The following MOB3C variants were observed in gnomAD, a reference collection of about 807,000 sequenced individuals.
MOB3C encodes MOB kinase activator 3C.
MOB3C carries 17 observed loss-of-function variants against 19.8 expected under a neutral mutation model. The ratio of observed to expected loss-of-function variants is 0.86; its 90% CI spans 0.59 to 1.29. MOB3C has a LOEUF of 1.29. MOB3C is among the 50% of genes most tolerant of loss of function. The probability of loss-of-function intolerance (pLI) is 0.00; values close to 1 mark genes in which losing one functional copy is unlikely to be tolerated. For synonymous variants in MOB3C, 101 were observed against 119.2 expected (o/e 0.85, Z 0.99); for missense variants, 291 against 301.9 (o/e 0.96, Z 0.27).
At chr1:46,612,528 G>T (rs530158329) in intron 2 of MOB3C, among the ~76,000 whole-genome samples, 15 of 152,168 alleles carry the variant, frequency 9.9e-5, no homozygotes, top group Non-Finnish European at 2.1e-4. Context: ...GCCAGGCGTG[G>T]TGGTGGGTGC....
intron 2 of MOB3C, among the ~76,000 whole-genome samples, chr1:46,612,616 A>G (rs889221150): frequency 2.7e-5 from 4 of 148,780 alleles, no homozygotes; most frequent in African/African-American, 4.9e-5. Flanking sequence ...GTAAGCTGAG[A>G]TCTCACCACT....
At chr1:46,615,144 G>A (rs1570382608) in intron 1 of MOB3C, 7 of 1,272,142 alleles carry the variant, frequency 5.5e-6, no homozygotes, top group East Asian at 2.3e-5. Context: ...GCAATTAGGC[G>A]GGGCTCCTGG....
At chr1:46,610,496 G>A (rs973655010) in intron 2 of MOB3C, among the ~76,000 whole-genome samples, 1 of 152,136 alleles carries the variant, frequency 6.6e-6, no homozygotes, top group African/African-American at 2.4e-5. Context: ...GTATTCTCCT[G>A]CCTCAGCCTC....
chr1:46,608,145 G>C lies in MOB3C; in HGVS notation c.*1510C>G, dbSNP rs939595242. ...AACAGTTGTGTCCTAGAGAGGGTCT[G>C]TTAAACCCTCTTTCCATGTGTATCT... On this transcript the variant is annotated 3_prime_UTR_variant, in exon 4 of 4. Coordinates refer to ENST00000319928, the MANE Select transcript of MOB3C (RefSeq NM_201403.3). The surrounding 1 kb of genome is among the most constrained non-coding windows in gnomAD (Gnocchi z 4.5). 6.6e-6 allele frequency: 1 copy of C among 152,258 alleles called. No individual in the cohort carries two copies. The highest frequency in any genetic ancestry group is 2.4e-5 in the African/African-American group (1 of 41,456). 9.4% of individuals were successfully genotyped at this position (152,258 alleles called of 1,614,324 possible). A position where few individuals can be genotyped will look rare whatever the true frequency, so the allele number is the denominator to read the frequency against.
chr1:46,611,921 A>C lies in MOB3C; in HGVS notation c.418+983T>G, dbSNP rs1374180154. Among the ~76,000 whole-genome samples the C allele has an allele frequency of 7.1e-6, 1 of 140,740 alleles. No homozygotes were observed. The highest frequency in any genetic ancestry group is 2.7e-5 in the African/African-American group (1 of 37,682). The allele number at this position is 140,740 out of a possible 152,430, so 92.3% of individuals were successfully genotyped here. ...TTCAGACTTCTCCCCTCAGGGCTTG[A>C]CCACCCTGCCCCACCCACCGCTGAT... is the stretch of plus-strand genomic sequence containing the variant. On this transcript the variant is annotated intron_variant, in intron 2 of 3. Coordinates refer to ENST00000319928, the MANE Select transcript of MOB3C (RefSeq NM_201403.3). The surrounding 1 kb of genome is among the most constrained non-coding windows in gnomAD (Gnocchi z 4.1).
Position 46,609,469 on chromosome 1 carries a change from C to T in MOB3C, c.*186G>A, listed in dbSNP as rs11803069. 1.4e-6 allele frequency: 1 copy of T among 711,634 alleles called. No individual in the cohort carries two copies. Among genetic ancestry groups the T allele is most frequent in the Non-Finnish European group, 2.5e-6 (1 of 405,822 alleles). The allele number at this position is 711,634 out of a possible 1,614,324, so 44.1% of individuals were successfully genotyped here. A position where few individuals can be genotyped will look rare whatever the true frequency, so the allele number is the denominator to read the frequency against. Reference sequence around the variant, plus strand: ...TGTTTGCCTGCCTAGATGCTCTCCCCTTCTCCATCCACAAGCGGTCAGGGC... The same window carrying T: ...TGTTTGCCTGCCTAGATGCTCTCCCTTTCTCCATCCACAAGCGGTCAGGGC... On this transcript the variant is annotated 3_prime_UTR_variant, in exon 4 of 4. Transcript: ENST00000319928.
At chr1:46,612,210 C>A (rs903725855) in intron 2 of MOB3C, among the ~76,000 whole-genome samples, 1 of 152,156 alleles carries the variant, frequency 6.6e-6, no homozygotes, top group African/African-American at 2.4e-5. Flanking sequence ...CCTCAGAGCC[C>A]CAATCTGAGG....
At position 46,613,002 on chromosome 1, in the gene MOB3C, C is replaced by A. The variant is rs755169615; in HGVS notation, c.320G>T (p.Arg107Leu). The change falls in exon 2 of 4, where the codon CGG (arginine) becomes CTG (leucine). Residue 107 changes from arginine (R) to leucine (L), a missense_variant. Arg to Leu is a moderately radical substitution (Grantham distance 102, BLOSUM62 -2). Coordinates refer to ENST00000319928, the MANE Select transcript of MOB3C (RefSeq NM_201403.3). ...EYRWQDERQY[R>L]RPAKLSAPRY... ...CGGCGCAGAGAGCTTGGCGGGCCGC[C>A]GGTACTGGCGCTCGTCCTGCCAGCG... 6.2e-7 allele frequency: 1 copy of A among 1,612,558 alleles called. No homozygotes were observed. The highest frequency in any genetic ancestry group is 1.3e-5 in the African/African-American group (1 of 74,926).
intron 2 of MOB3C, 82 bp from the exon 3 acceptor site, chr1:46,610,286 AC>A: frequency 7.5e-7 from 1 of 1,329,694 alleles, no homozygotes; most frequent in Non-Finnish European, 1.1e-6. Flanking sequence ...CACACAGGCA[AC>A]CAGGATGGCT....
At chr1:46,614,392 A>G (rs1188547540) in intron 1 of MOB3C, 1 of 152,426 alleles carries the variant, frequency 6.6e-6, no homozygotes, top group East Asian at 1.9e-4. Flanking sequence ...GTCCTGGGTC[A>G]CTCTGCTATA....
Position 46,612,776 on chromosome 1 carries a change from C to T in MOB3C, c.418+128G>A, listed in dbSNP as rs986024852. 1.9e-5 allele frequency: 18 copies of T among 948,044 alleles called. No individual in the cohort carries two copies. The African/African-American group carries it at 2.5e-4, about 13-fold the overall frequency. The allele number at this position is 948,044 out of a possible 1,614,324, so 58.7% of individuals were successfully genotyped here. On this transcript the variant is annotated intron_variant, in intron 2 of 3. Transcript: ENST00000319928. Reference sequence around the variant, plus strand: ...AGCAAGGCACTTAACCTGTTTCAACCTCGCTTTCCTCTTCCACAAAATGGG... The same window carrying T: ...AGCAAGGCACTTAACCTGTTTCAACTTCGCTTTCCTCTTCCACAAAATGGG...
chr1:46,615,274 G>C lies in MOB3C; in HGVS notation c.-51+1437C>G, dbSNP rs896360510. ...CACCTCCCCACACCAACCACCCTGG[G>C]CTTCTTCCTGATTCCTGAACACGCC... On this transcript the variant is annotated intron_variant, in intron 1 of 3. Transcript: ENST00000319928. 5 of 552,412 alleles carry C rather than the reference G, an allele frequency of 9.1e-6. No homozygotes were observed. In the Admixed American group the frequency reaches 9.2e-5, roughly 10 times the overall value. 34.2% of individuals were successfully genotyped at this position (552,412 alleles called of 1,614,324 possible). A position where few individuals can be genotyped will look rare whatever the true frequency, so the allele number is the denominator to read the frequency against.
At chr1:46,612,141 C>A (rs1390975535) in intron 2 of MOB3C, among the ~76,000 whole-genome samples, 2 of 152,292 alleles carry the variant, frequency 1.3e-5, no homozygotes, top group East Asian at 1.9e-4. Context: ...CCCGCCCAGG[C>A]TGCCCAGCTG....
chr1:46,610,070 AG>A lies in MOB3C; in HGVS notation c.552del (p.Cys185AlafsTer23). 1.2e-6 allele frequency: 2 copies of A among 1,614,242 alleles called. No individual in the cohort carries two copies. Among genetic ancestry groups the A allele is most frequent in the Non-Finnish European group, 1.7e-6 (2 of 1,180,044 alleles). On this transcript the variant is annotated frameshift_variant, in exon 3 of 4. Transcript: ENST00000319928. LOFTEE classifies it high-confidence loss of function. ...ATGAAGTAGTAGAAGTGCTTGTAGC[AG>A]GTGTTGACGTGCGCCTCTGCCCCCA... is the stretch of plus-strand genomic sequence containing the variant. Reference protein sequence around the residue: ...LSMGAEAHVNTCYKHFYYFIR... With the variant: ...LSMGAEAHVNXCYKHFYYFIR...
At chr1:46,610,877 C>T (rs1675452883) in intron 2 of MOB3C, among the ~76,000 whole-genome samples, 1 of 152,198 alleles carries the variant, frequency 6.6e-6, no homozygotes, top group Non-Finnish European at 1.5e-5. Flanking sequence ...CAGAGATGCT[C>T]ACATCACACT....
In MOB3C at chr1:46,613,026, C is replaced by T. The variant is rs111448646; in HGVS notation, c.296G>A (p.Arg99His). Reference sequence around the variant, plus strand: ...CCGGTACTGGCGCTCGTCCTGCCAGCGGTACTCGTAGCGGGGCCCGCCGGC... The same window carrying T: ...CCGGTACTGGCGCTCGTCCTGCCAGTGGTACTCGTAGCGGGGCCCGCCGGC... Reference protein sequence around the residue: ...VMAGGPRYEYRWQDERQYRRP... With the variant: ...VMAGGPRYEYHWQDERQYRRP... The change falls in exon 2 of 4, where the codon CGC becomes CAC. Residue 99 changes from arginine to histidine, a missense_variant. Transcript: ENST00000319928. 2.6e-5 allele frequency: 42 copies of T among 1,613,830 alleles called. 1 individual carries two copies. The South Asian group carries it at 4.1e-4, about 16-fold the overall frequency.
Position 46,609,985 on chromosome 1 carries a change from G to C in MOB3C, c.621+17C>G. 6.2e-7 allele frequency: 1 copy of C among 1,613,958 alleles called. No homozygotes were observed. Among genetic ancestry groups the C allele is most frequent in the Non-Finnish European group, 8.5e-7 (1 of 1,179,880 alleles). On this transcript the variant is annotated intron_variant, in intron 3 of 3. Coordinates refer to ENST00000319928, the MANE Select transcript of MOB3C (RefSeq NM_201403.3). ...AGGCTAGCCTTGGTAGGGGAGGGTG[G>C]TAGGGCTTGGCCTCACCAGTGGCTC...
intron 1 of MOB3C, chr1:46,615,894 A>C (rs191715717): frequency 3.6e-4 from 55 of 152,716 alleles, no homozygotes; most frequent in Non-Finnish European, 6.3e-4. Flanking sequence ...CTAGAGTTCC[A>C]CCTTACTCCT....
In MOB3C at chr1:46,614,751, C is replaced by T. The variant is rs1376252234; in HGVS notation, c.-50-1380G>A. The T allele has an allele frequency of 7.0e-5, 36 of 512,482 alleles. 1 individual carries two copies. The East Asian group carries it at 1.1e-3, about 16-fold the overall frequency. The allele number at this position is 512,482 out of a possible 1,614,324, so 31.7% of individuals were successfully genotyped here. On this transcript the variant is annotated intron_variant, in intron 1 of 3. Coordinates refer to ENST00000319928, the MANE Select transcript of MOB3C (RefSeq NM_201403.3). Reference sequence around the variant, plus strand: ...GGATTGGGGAAGGGAGGGTGGGAACCAGGTGACACCTGGGTAAAAGCAAAG... The same window carrying T: ...GGATTGGGGAAGGGAGGGTGGGAACTAGGTGACACCTGGGTAAAAGCAAAG...
Sources: allele counts gnomAD v4.1 joint callset (sites outside exome capture counted in the v4.1 genomes callset), GRCh38; gene constraint gnomAD v4.1.1; non-coding constraint Gnocchi (gnomAD v3.1); transcripts MANE v1.5; gene names NCBI Gene and HGNC (gene_info 2026-07-23, HGNC 2026-07-21).